Variants in KCNK18 observed in about 807,000 individuals in gnomAD.
The protein encoded by KCNK18 is potassium channel subfamily K member 18.
In KCNK18, 8 loss-of-function variants were observed where a neutral mutation model predicts 11.8. The observed-to-expected ratio is 0.68, with a 90% confidence interval of 0.40 to 1.22. KCNK18 has a LOEUF of 1.22. KCNK18 is among the 50% of genes most tolerant of loss of function. The pLI, the probability that KCNK18 is intolerant of heterozygous loss-of-function variation, is 0.01. For synonymous variants in KCNK18, 208 were observed against 185.8 expected (o/e 1.12, Z -0.97); for missense variants, 442 against 465.4 (o/e 0.95, Z 0.46).
chr10:117,208,347 C>A (rs1454893673), intron 2 of KCNK18, among the ~76,000 whole-genome samples: 2 of 152,180 alleles, frequency 1.3e-5, no homozygotes, highest in Non-Finnish European at 2.9e-5. Context: ...GAGGACACCA[C>A]CAGTTATTAA....
chr10:117,202,885 G>GTTTTT (rs750157980), intron 2 of KCNK18, among the ~76,000 whole-genome samples: 39,225 of 108,022 alleles, frequency 0.36, 10,180 homozygotes, highest in Non-Finnish European at 0.47. Context: ...TTGCCTGAAT[G>GTTTTT]CTTTTTTTTT....
Position 117,210,120 on chromosome 10 carries a change from T to C in KCNK18, c.976T>C (p.Phe326Leu). The change falls in exon 3 of 3, where the codon TTT becomes CTT. Residue 326 changes from phenylalanine (F) to leucine (L), a missense_variant. Phe to Leu is a conservative substitution (Grantham distance 22). Coordinates refer to ENST00000334549, the MANE Select transcript of KCNK18 (RefSeq NM_181840.1). ...FCFVTLTTIG[F>L]GDTVLEHPNF... The stretch of plus-strand genomic sequence containing the variant: ...CTTTGTCACACTCACCACCATTGGG[T>C]TTGGGGATACTGTTTTAGAACACCC... 1.2e-6 allele frequency: 2 copies of C among 1,614,192 alleles called. No individual in the cohort carries two copies. The highest frequency in any genetic ancestry group is 1.7e-6 in the Non-Finnish European group (2 of 1,180,020).
chr10:117,198,523 G>A (rs1854976452), intron 1 of KCNK18, among the ~76,000 whole-genome samples: 1 of 152,182 alleles, frequency 6.6e-6, no homozygotes, highest in African/African-American at 2.4e-5. Context: ...TTCATATTTA[G>A]TCACTTGTTT....
chr10:117,208,851 C>G (rs1309057890), intron 2 of KCNK18, among the ~76,000 whole-genome samples: 1 of 152,114 alleles, frequency 6.6e-6, no homozygotes, highest in South Asian at 2.1e-4. Flanking sequence ...AGTGATTCTC[C>G]TGCCTCAACC....
chr10:117,209,834 A>T lies in KCNK18; in HGVS notation c.690A>T (p.Arg230Ser). Residue 230 changes from arginine (R) to serine (S), a missense_variant, in exon 3 of 3, where the codon AGA (arginine) becomes AGT (serine). Arg to Ser is a moderately radical substitution (Grantham distance 110, BLOSUM62 -1). Coordinates refer to ENST00000334549, the MANE Select transcript of KCNK18 (RefSeq NM_181840.1). ...RPSCSMELFERSHALEKQNTL... is the reference protein window; with the variant it reads ...RPSCSMELFESSHALEKQNTL... ...GCTGCAGCATGGAGCTGTTTGAGAG[A>T]TCTCATGCGCTAGAGAAACAGAACA... 1.2e-6 allele frequency: 2 copies of T among 1,614,112 alleles called. No individual in the cohort carries two copies. Among genetic ancestry groups the T allele is most frequent in the Non-Finnish European group, 1.7e-6 (2 of 1,180,022 alleles).
chr10:117,204,623 CA>C (rs1855056526), intron 2 of KCNK18, among the ~76,000 whole-genome samples: 1 of 152,228 alleles, frequency 6.6e-6, no homozygotes, highest in African/African-American at 2.4e-5. Flanking sequence ...AATTAATTCT[CA>C]GGAGCCATTC....
At position 117,197,760 on chromosome 10, in the gene KCNK18, A is replaced by T. The variant is rs547522612; in HGVS notation, c.223+49A>T. 1.4e-4 allele frequency: 221 copies of T among 1,533,222 alleles called. 1 individual carries two copies. In the East Asian group the frequency reaches 5.0e-3, roughly 34 times the overall value. The allele number at this position is 1,533,222 out of a possible 1,614,324, so 95.0% of individuals were successfully genotyped here. A position where few individuals can be genotyped will look rare whatever the true frequency, so the allele number is the denominator to read the frequency against. On this transcript the variant is annotated intron_variant, in intron 1 of 2. Transcript: ENST00000334549. Reference sequence around the variant, plus strand: ...TGGGCCTTTTCTCCGTGGTGGCAGCAGTCCCCCAAGAGCAGAGGGCTGCCT... The same window carrying T: ...TGGGCCTTTTCTCCGTGGTGGCAGCTGTCCCCCAAGAGCAGAGGGCTGCCT...
chr10:117,204,595 G>A (rs1050236513), intron 2 of KCNK18, among the ~76,000 whole-genome samples: 2 of 152,328 alleles, frequency 1.3e-5, no homozygotes, highest in East Asian at 3.9e-4. Context: ...CATCACTGGG[G>A]AACTTGATAG....
chr10:117,205,780 T>C (rs1183495766), intron 2 of KCNK18, among the ~76,000 whole-genome samples: 5 of 152,204 alleles, frequency 3.3e-5, no homozygotes, highest in African/African-American at 1.2e-4. Context: ...TCAGAAGTGG[T>C]GGCTCACTCC....
At chr10:117,197,777 G>A (rs1854968131) in intron 1 of KCNK18, 66 bp downstream of exon 1, 1 of 1,434,142 alleles carries the variant, frequency 7.0e-7, no homozygotes, top group Admixed American at 1.8e-5. Flanking sequence ...CAAGAGCAGA[G>A]GGCTGCCTTC....
intron 2 of KCNK18, among the ~76,000 whole-genome samples, chr10:117,202,794 C>T (rs937298675): frequency 5.3e-5 from 8 of 151,298 alleles, no homozygotes; most frequent in South Asian, 2.1e-4. Context: ...GGGTGGGCAA[C>T]CGGTGTCTGC....
intron 2 of KCNK18, among the ~76,000 whole-genome samples, chr10:117,207,265 A>G (rs1589967690): frequency 6.6e-6 from 1 of 151,988 alleles, no homozygotes; most frequent in East Asian, 1.9e-4. Context: ...CTGACCTCAT[A>G]TGATCTGTCC....
intron 2 of KCNK18, among the ~76,000 whole-genome samples, chr10:117,208,677 C>T (rs926903580): frequency 6.6e-6 from 1 of 151,930 alleles, no homozygotes; most frequent in African/African-American, 2.4e-5. Context: ...CTGAGCACAC[C>T]ATGGGAACAC....
intron 2 of KCNK18, among the ~76,000 whole-genome samples, chr10:117,204,526 G>T (rs984171931): frequency 6.6e-6 from 1 of 152,122 alleles, no homozygotes; most frequent in Admixed American, 6.5e-5. Flanking sequence ...AAAATTGCCC[G>T]CTATTGAGAA....
In KCNK18 at chr10:117,210,188, G is replaced by A. The variant is rs1843747387; in HGVS notation, c.1044G>A (p.Met348Ile). 6.2e-7 allele frequency: 1 copy of A among 1,614,166 alleles called. No homozygotes were observed. The highest frequency in any genetic ancestry group is 1.1e-5 in the South Asian group (1 of 91,084). The part of the protein sequence containing the change: ...LFFSIYIIVG[M>I]EIVFIAFKLV... ...TCTCCATTTATATCATCGTTGGAAT[G>A]GAGATTGTGTTCATTGCTTTCAAGT... The change falls in exon 3 of 3, where the codon ATG (methionine) becomes ATA (isoleucine). Residue 348 changes from methionine (M) to isoleucine (I), a missense_variant. By Grantham distance (10) the Met-to-Ile change is conservative (BLOSUM62 1). Transcript: ENST00000334549.
At chr10:117,198,581 A>T (rs966710757) in intron 1 of KCNK18, among the ~76,000 whole-genome samples, 1 of 152,166 alleles carries the variant, frequency 6.6e-6, no homozygotes, top group African/African-American at 2.4e-5. Context: ...TATTCAACAG[A>T]GCAAGATAAA....
At chr10:117,208,701 T>C (rs1266936382) in intron 2 of KCNK18, among the ~76,000 whole-genome samples, 3 of 151,880 alleles carry the variant, frequency 2.0e-5, no homozygotes, top group Admixed American at 2.0e-4. Flanking sequence ...AAGTGCCTCT[T>C]AGAAACAAAG....
chr10:117,209,447 A>G (rs1190144540), intron 2 of KCNK18, 50 bp from the exon 3 acceptor site: 1 of 1,476,960 alleles, frequency 6.8e-7, no homozygotes, highest in Non-Finnish European at 9.5e-7. Context: ...TTTTGGGGGG[A>G]AAAAGGGAAG....
At chr10:117,200,533 C>T (rs755292388) in intron 1 of KCNK18, among the ~76,000 whole-genome samples, 3 of 152,058 alleles carry the variant, frequency 2.0e-5, no homozygotes, top group Non-Finnish European at 2.9e-5. Flanking sequence ...AGAGGCGGGG[C>T]GCGGTGGCTC....
Sources: gnomAD v4.1 joint callset for allele counts (sites outside exome capture counted in the v4.1 genomes callset) on GRCh38, gnomAD v4.1.1 for gene constraint, MANE v1.5 for transcripts, NCBI Gene and HGNC (gene_info 2026-07-23, HGNC 2026-07-21) for gene names.